Variants in FGF12 observed in about 807,000 individuals in gnomAD.
The protein encoded by FGF12 is fibroblast growth factor 12B.
In FGF12, 14 loss-of-function variants were observed where a neutral mutation model predicts 23.6. The ratio of observed to expected loss-of-function variants is 0.59; its 90% CI spans 0.39 to 0.93. FGF12 has a LOEUF of 0.93. Among genes scored for constraint, FGF12 ranks in the 40% least tolerant of loss-of-function variants. The pLI is 0.00. For synonymous variants in FGF12, 62 were observed against 77.3 expected, an observed-to-expected ratio of 0.80 and a Z score of 1.04; for missense variants, 175 against 217.8, an observed-to-expected ratio of 0.80 and a Z score of 1.24.
At chr3:192,503,123 C>T (rs1335846895) in intron 2 of FGF12, among the ~76,000 whole-genome samples, 4 of 151,746 alleles carry the variant, frequency 2.6e-5, no homozygotes, top group African/African-American at 7.3e-5. Context: ...TAAATACTTA[C>T]AGTGTTTCTT....
chr3:192,167,749 ATATATATATATATATATATAAAATTTTTT>A lies in FGF12; in HGVS notation c.427+2680_427+2708del, dbSNP rs1374111995. Among the ~76,000 whole-genome samples, 10 of 25,468 alleles carry A rather than the reference ATATATATATATATATATATAAAATTTTTT, an allele frequency of 3.9e-4. 2 individuals are homozygous for A. Among genetic ancestry groups the A allele is most frequent in the Non-Finnish European group, 5.1e-4 (7 of 13,840 alleles). 16.7% of individuals were successfully genotyped at this position (25,468 alleles called of 152,430 possible). On this transcript the variant is annotated intron_variant, in intron 5 of 5. Transcript: ENST00000445105. ...GTTATAGGTATATATATATATATAT[ATATATATATATATATATATAAAATTTTTT>A]TTTTTTTTTTTTTTTGAGAAAGAAT...
intron 2 of FGF12, among the ~76,000 whole-genome samples, chr3:192,369,200 T>G (rs1213407478): frequency 6.6e-6 from 1 of 152,226 alleles, no homozygotes; most frequent in African/African-American, 2.4e-5. Flanking sequence ...GCTGAAGGAA[T>G]GAAAGTAATA....
chr3:192,423,931 G>A (rs536328417), intron 2 of FGF12, among the ~76,000 whole-genome samples: 4 of 152,206 alleles, frequency 2.6e-5, no homozygotes, highest in African/African-American at 9.6e-5. Flanking sequence ...GATGCATAAA[G>A]AGAAGCTCAG....
chr3:192,305,697 A>T (rs200739542), intron 4 of FGF12, among the ~76,000 whole-genome samples: 164 of 129,130 alleles, frequency 1.3e-3, no homozygotes, highest in African/African-American at 4.7e-3. Flanking sequence ...TATATATATA[A>T]ATATATATAA....
At chr3:192,664,361 T>TC (rs1716776984) in intron 2 of FGF12, among the ~76,000 whole-genome samples, 1 of 152,002 alleles carries the variant, frequency 6.6e-6, no homozygotes, top group Non-Finnish European at 1.5e-5. Context: ...CCAGAGTTGT[T>TC]CTAGGACCTT....
intron 2 of FGF12, among the ~76,000 whole-genome samples, chr3:192,694,185 C>T (rs1020115348): frequency 1.7e-4 from 26 of 152,172 alleles, no homozygotes; most frequent in African/African-American, 6.3e-4. Flanking sequence ...ATCAAAACTA[C>T]GATGAGATAT....
intron 2 of FGF12, among the ~76,000 whole-genome samples, chr3:192,692,599 G>A (rs1717977445): frequency 6.6e-6 from 1 of 151,838 alleles, no homozygotes; most frequent in African/African-American, 2.4e-5. Flanking sequence ...CTGGCTACCT[G>A]GGAGGCTGAG....
At chr3:192,559,337 G>A (rs1176759885) in intron 2 of FGF12, among the ~76,000 whole-genome samples, 2 of 151,822 alleles carry the variant, frequency 1.3e-5, no homozygotes, top group Admixed American at 1.3e-4. Context: ...ACATATAAAT[G>A]GTCAATAGGT....
chr3:192,642,594 T>C (rs1303126085), intron 2 of FGF12, among the ~76,000 whole-genome samples: 1 of 152,230 alleles, frequency 6.6e-6, no homozygotes, highest in East Asian at 1.9e-4. Flanking sequence ...TGCACATATA[T>C]TACTTATTCA....
chr3:192,368,125 A>G (rs771337681), intron 2 of FGF12, among the ~76,000 whole-genome samples: 4 of 152,158 alleles, frequency 2.6e-5, no homozygotes, highest in Non-Finnish European at 4.4e-5. Flanking sequence ...AAAACAGAGC[A>G]GAAAAGAAAA....
At chr3:192,200,976 C>T (rs139121952) in intron 4 of FGF12, among the ~76,000 whole-genome samples, 13 of 152,016 alleles carry the variant, frequency 8.6e-5, no homozygotes, top group African/African-American at 3.1e-4. Context: ...GCTTTGACAG[C>T]CAGGTGAAAA....
At chr3:192,182,881 G>A (rs560961987) in intron 4 of FGF12, among the ~76,000 whole-genome samples, 2 of 152,274 alleles carry the variant, frequency 1.3e-5, no homozygotes, top group East Asian at 3.9e-4. Flanking sequence ...CTTTTATTGG[G>A]GGTCTTATGT....
At chr3:192,716,795 G>C (rs1718880665) in intron 2 of FGF12, among the ~76,000 whole-genome samples, 1 of 152,148 alleles carries the variant, frequency 6.6e-6, no homozygotes, top group Admixed American at 6.5e-5. Context: ...AGGAAGCAAG[G>C]ATACAGAAAT....
chr3:192,323,880 C>T (rs1716675615), intron 4 of FGF12, among the ~76,000 whole-genome samples: 1 of 152,028 alleles, frequency 6.6e-6, no homozygotes, highest in Non-Finnish European at 1.5e-5. Flanking sequence ...CGCCTGAGCT[C>T]AGGAGATTGA....
At chr3:192,494,194 G>A (rs750544797) in intron 2 of FGF12, among the ~76,000 whole-genome samples, 4 of 152,006 alleles carry the variant, frequency 2.6e-5, no homozygotes, top group Non-Finnish European at 5.9e-5. Context: ...TCTTCCTCTC[G>A]TAACATCTTA....
intron 2 of FGF12, among the ~76,000 whole-genome samples, chr3:192,669,498 A>G (rs1228484593): frequency 4.0e-5 from 6 of 150,796 alleles, no homozygotes; most frequent in Non-Finnish European, 8.9e-5. Flanking sequence ...GAGGCAGGAG[A>G]ATCGCTTGAA....
chr3:192,407,304 GT>G (rs1720994451), intron 2 of FGF12, among the ~76,000 whole-genome samples: 1 of 152,166 alleles, frequency 6.6e-6, no homozygotes, highest in Admixed American at 6.5e-5. Context: ...TTCCCTCAAT[GT>G]CTCAAAAGTG....
At chr3:192,672,305 T>A (rs1235547804) in intron 2 of FGF12, among the ~76,000 whole-genome samples, 2 of 151,156 alleles carry the variant, frequency 1.3e-5, no homozygotes, top group African/African-American at 4.8e-5. Flanking sequence ...AATAAGATTT[T>A]CCTGTTGTCA....
At chr3:192,433,067 G>A (rs913813611) in intron 2 of FGF12, among the ~76,000 whole-genome samples, 6 of 151,892 alleles carry the variant, frequency 4.0e-5, no homozygotes, top group African/African-American at 4.8e-5. Flanking sequence ...CCACCCCCTC[G>A]CTCCAACGCA....
Sources: allele counts gnomAD v4.1 joint callset (sites outside exome capture counted in the v4.1 genomes callset), GRCh38; gene constraint gnomAD v4.1.1; transcripts MANE v1.5; gene names NCBI Gene and HGNC (gene_info 2026-07-23, HGNC 2026-07-21).